FRMPD1: variants seen among roughly 807,000 people sequenced by gnomAD.
FRMPD1 encodes the protein FERM and PDZ domain-containing protein 1.
A neutral mutation model predicts 117.8 loss-of-function variants in FRMPD1; 76 were observed. The ratio of observed to expected loss-of-function variants is 0.65; its 90% CI spans 0.54 to 0.78. The LOEUF is 0.78. FRMPD1 is among the 30% of genes least tolerant of loss of function. The pLI is 0.00. For missense variants in FRMPD1, 1,786 were observed against 1,964.5 expected, an observed-to-expected ratio of 0.91 and a Z score of 1.72; for synonymous variants, 783 against 770.4, an observed-to-expected ratio of 1.02 and a Z score of -0.27.
chr9:37,700,409 G>T (rs577939517), intron 2 of FRMPD1, among the ~76,000 whole-genome samples: 2 of 152,238 alleles, frequency 1.3e-5, no homozygotes, highest in Non-Finnish European at 1.5e-5. Flanking sequence ...TCGTCTTTAC[G>T]TTATGAAATC....
rs1824726924 is a variant in FRMPD1 at position 37,746,479 on chromosome 9, C to G, written c.4447C>G (p.Pro1483Ala). ...GCATGTGATCAGAATGGACCAGTCC[C>G]CCGAAGAGATGCAGGGGGCCGTGCG... is the stretch of plus-strand genomic sequence containing the variant. ...CRHVIRMDQS[P>A]EEMQGAVRDT... The change falls in exon 16 of 16, where the codon CCC (proline) becomes GCC (alanine). Residue 1483 changes from proline (P) to alanine (A), a missense_variant. Pro to Ala is a conservative substitution (Grantham distance 27). Transcript: ENST00000377765. 1 of 1,613,756 alleles carries G rather than the reference C, an allele frequency of 6.2e-7. No homozygotes were observed. Among genetic ancestry groups the G allele is most frequent in the Non-Finnish European group, 8.5e-7 (1 of 1,180,046 alleles).
intron 5 of FRMPD1, among the ~76,000 whole-genome samples, chr9:37,714,107 C>G (rs919072344): frequency 6.6e-6 from 1 of 152,208 alleles, no homozygotes; most frequent in East Asian, 1.9e-4. Flanking sequence ...TTTTAGGTAT[C>G]GATAAATGGA....
chr9:37,607,055 C>T, the FRMPD1 span, among the ~76,000 whole-genome samples: 1 of 152,184 alleles, frequency 6.6e-6, no homozygotes, highest in Non-Finnish European at 1.5e-5. Context: ...TGGCTGACAC[C>T]TATAATCCCA....
the FRMPD1 span, among the ~76,000 whole-genome samples, chr9:37,634,416 C>G: frequency 5.9e-5 from 9 of 152,272 alleles, 1 homozygote; most frequent in South Asian, 1.7e-3. Flanking sequence ...GTATTTATTA[C>G]TAGTTTTCCT....
chr9:37,687,681 G>A (rs1415821878), intron 1 of FRMPD1, among the ~76,000 whole-genome samples: 5 of 152,160 alleles, frequency 3.3e-5, no homozygotes, highest in South Asian at 4.1e-4. Flanking sequence ...TCTTGGCAAA[G>A]GAACATTAAA....
chr9:37,606,140 C>T, the FRMPD1 span, among the ~76,000 whole-genome samples: 30 of 152,218 alleles, frequency 2.0e-4, no homozygotes, highest in East Asian at 5.8e-4. Context: ...TCTGGGTAGA[C>T]AGAATCTGCA....
the FRMPD1 span, among the ~76,000 whole-genome samples, chr9:37,616,508 A>G: frequency 1.3e-5 from 2 of 152,222 alleles, no homozygotes; most frequent in Admixed American, 6.5e-5. Flanking sequence ...AATAAGAGGT[A>G]GAGACAGATC....
rs2281872 is a variant in FRMPD1, at chr9:37,740,640, T to C, written c.2112T>C (p.Ala704=). ...LDPRLYEGSH[A]DYYSLCSSVS... is the part of the protein sequence containing the mutation. The stretch of plus-strand genomic sequence containing the variant: ...CCAGGCTGTATGAAGGCAGCCACGC[T>C]GACTACTACAGCCTGTGTTCCAGTG... The change falls in exon 15 of 16, where the codon GCT becomes GCC. Residue 704 remains alanine, a synonymous_variant. Coordinates refer to ENST00000377765, the MANE Select transcript of FRMPD1 (RefSeq NM_014907.3). The surrounding 1 kb of genome is among the most constrained non-coding windows in gnomAD (Gnocchi z 4.2). 1,039,260 of 1,613,704 alleles carry C rather than the reference T, an allele frequency of 0.64. 335,247 individuals carry two copies. The highest frequency in any genetic ancestry group is 0.67 in the Admixed American group (40,049 of 59,992).
In FRMPD1 at chr9:37,740,457, C is replaced by T. The variant is rs770458369; in HGVS notation, c.1929C>T (p.Ser643=). 1 of 1,614,188 alleles carries T rather than the reference C, an allele frequency of 6.2e-7. No individual in the cohort carries two copies. The highest frequency in any genetic ancestry group is 8.5e-7 in the Non-Finnish European group (1 of 1,180,014). ...TCGCAGAGAGCATTGACTCTGACAG[C>T]CAGGAGGAGAGAAGCGGGATTGAAA... The part of the protein sequence containing the change: ...PGLAESIDSD[S]QEERSGIETS... Residue 643 remains serine, a synonymous_variant, in exon 15 of 16, where the codon AGC becomes AGT. Transcript: ENST00000377765. This position sits in a 1 kb window ranked among gnomAD's most constrained non-coding sequence, Gnocchi z 4.2.
intron 1 of FRMPD1, among the ~76,000 whole-genome samples, chr9:37,670,925 G>T (rs553178763): frequency 1.3e-5 from 2 of 152,356 alleles, no homozygotes; most frequent in Non-Finnish European, 2.9e-5. Context: ...ATAGTTTATT[G>T]TCTGGGGAAT....
intron 1 of FRMPD1, among the ~76,000 whole-genome samples, chr9:37,672,280 AC>A (rs1489814654): frequency 5.3e-5 from 8 of 152,204 alleles, no homozygotes; most frequent in Non-Finnish European, 1.2e-4. Context: ...TGGCAATGAA[AC>A]AGCACATGCA....
intron 1 of FRMPD1, among the ~76,000 whole-genome samples, chr9:37,676,085 G>T (rs1207565013): frequency 1.3e-5 from 2 of 152,168 alleles, no homozygotes; most frequent in East Asian, 3.8e-4. Context: ...TTGTGTTCTC[G>T]CCTGTCTGCG....
At chr9:37,691,433 TAG>T (rs1563933501) in intron 1 of FRMPD1, among the ~76,000 whole-genome samples, 6 of 152,222 alleles carry the variant, frequency 3.9e-5, no homozygotes, top group African/African-American at 1.4e-4. Flanking sequence ...AATTTGAACA[TAG>T]TCTATAGTTC....
intron 1 of FRMPD1, among the ~76,000 whole-genome samples, chr9:37,691,052 C>G (rs1038913179): frequency 1.3e-5 from 2 of 152,220 alleles, no homozygotes; most frequent in African/African-American, 4.8e-5. Context: ...ACATGAACTT[C>G]AGGAACACAT....
the FRMPD1 span, among the ~76,000 whole-genome samples, chr9:37,621,514 C>T: frequency 1.3e-5 from 2 of 152,160 alleles, no homozygotes; most frequent in Admixed American, 1.3e-4. Flanking sequence ...GTGCCTATCT[C>T]ACCTCACTTC....
chr9:37,723,548 G>T (rs60606814), intron 6 of FRMPD1, among the ~76,000 whole-genome samples: 1 of 152,294 alleles, frequency 6.6e-6, no homozygotes, highest in South Asian at 2.1e-4. Flanking sequence ...ATACCCAGGG[G>T]CAGGAAAGCT....
chr9:37,707,652 C>G (rs958008619), intron 3 of FRMPD1, 79 bp downstream of exon 3: 20 of 1,193,006 alleles, frequency 1.7e-5, no homozygotes, highest in Non-Finnish European at 2.4e-5. Flanking sequence ...ATCTCTCTAT[C>G]CTATAACAAA....
At chr9:37,656,120 C>G (rs974662273) in intron 1 of FRMPD1, among the ~76,000 whole-genome samples, 3 of 152,186 alleles carry the variant, frequency 2.0e-5, no homozygotes, top group Non-Finnish European at 4.4e-5. Flanking sequence ...CTTTCTACCC[C>G]ACAACCCTTT....
intron 1 of FRMPD1, among the ~76,000 whole-genome samples, chr9:37,655,029 C>T (rs1563919476): frequency 1.3e-5 from 2 of 152,290 alleles, no homozygotes; most frequent in South Asian, 4.1e-4. Flanking sequence ...AAAGGGAAAG[C>T]AAGAGTGGAG....
Sources: allele counts gnomAD v4.1 joint callset (sites outside exome capture counted in the v4.1 genomes callset), GRCh38; gene constraint gnomAD v4.1.1; non-coding constraint Gnocchi (gnomAD v3.1); transcripts MANE v1.5; gene names NCBI Gene and HGNC (gene_info 2026-07-23, HGNC 2026-07-21).